Variants in PIWIL1 observed in about 807,000 individuals in gnomAD.
The protein encoded by PIWIL1 is piwi-like protein 1.
In PIWIL1, 73 loss-of-function variants were observed where a neutral mutation model predicts 114.4. That is an observed-to-expected ratio of 0.64 (90% CI 0.53 to 0.78). The LOEUF (loss-of-function observed/expected upper bound fraction) is 0.78. PIWIL1 is among the 30% of genes least tolerant of loss of function. The pLI, the probability that PIWIL1 is intolerant of heterozygous loss-of-function variation, is 0.00. For missense variants in PIWIL1, 723 were observed against 1,063.1 expected (o/e 0.68, Z 4.45); for synonymous variants, 375 against 369.0 (o/e 1.02, Z -0.19).
the PIWIL1 span, among the ~76,000 whole-genome samples, chr12:130,384,671 T>C: frequency 8.6e-4 from 131 of 152,308 alleles, no homozygotes; most frequent in African/African-American, 3.1e-3. Context: ...TTATACAAGC[T>C]TGGCCATGAA....
chr12:130,382,195 G>T, the PIWIL1 span, among the ~76,000 whole-genome samples: 1 of 152,326 alleles, frequency 6.6e-6, no homozygotes, highest in Non-Finnish European at 1.5e-5. Flanking sequence ...ATTAAAATTT[G>T]TTAGCAGGGG....
chr12:130,411,483 C>T, the PIWIL1 span, among the ~76,000 whole-genome samples: 1,774 of 152,246 alleles, frequency 0.012, 23 homozygotes, highest in Non-Finnish European at 0.016. Flanking sequence ...TAGTTTCTGG[C>T]AATGCGGCAG....
chr12:130,342,200 G>GTGTCT, intron 1 of PIWIL1: 2 of 221,886 alleles, frequency 9.0e-6, no homozygotes, highest in Non-Finnish European at 9.1e-6. Flanking sequence ...GTCTGTGTAT[G>GTGTCT]GGAGTATGTG....
chr12:130,421,970 G>A, the PIWIL1 span, among the ~76,000 whole-genome samples: 1 of 152,184 alleles, frequency 6.6e-6, no homozygotes, highest in Non-Finnish European at 1.5e-5. Context: ...GATGGATGTG[G>A]GGAGCACACA....
At chr12:130,348,540 G>T (rs1233479360) in intron 7 of PIWIL1, among the ~76,000 whole-genome samples, 1 of 152,140 alleles carries the variant, frequency 6.6e-6, no homozygotes, top group Admixed American at 6.5e-5. Context: ...TCATCCCCCA[G>T]ACCTCAGCAT....
chr12:130,405,998 G>T, the PIWIL1 span, among the ~76,000 whole-genome samples: 2 of 152,298 alleles, frequency 1.3e-5, no homozygotes, highest in African/African-American at 4.8e-5. Flanking sequence ...CAACTTTCTA[G>T]ATTATCTATA....
intron 1 of PIWIL1, 127 bp downstream of exon 1, chr12:130,338,273 C>A: frequency 3.7e-6 from 1 of 267,058 alleles, no homozygotes; most frequent in Non-Finnish European, 7.0e-6. Context: ...GTCCCAGGTG[C>A]GGGGGATGCA....
chr12:130,376,507 G>A (rs1414757498), downstream of PIWIL1, among the ~76,000 whole-genome samples: 1 of 152,132 alleles, frequency 6.6e-6, no homozygotes, highest in Non-Finnish European at 1.5e-5. Context: ...ACAACCTCTG[G>A]TTGAACTGGT....
At chr12:130,414,311 G>A in the PIWIL1 span, 84 of 1,573,900 alleles carry the variant, frequency 5.3e-5, no homozygotes, top group Admixed American at 8.9e-5. Flanking sequence ...AATCGTCTGC[G>A]AGCAAGTGGG....
At chr12:130,363,640 T>C (rs960477649) in intron 18 of PIWIL1, among the ~76,000 whole-genome samples, 1 of 101,462 alleles carries the variant, frequency 9.9e-6, no homozygotes, top group African/African-American at 4.0e-5. Flanking sequence ...TTTTTTGAGA[T>C]GGAGTCTCGC....
At position 130,368,684 on chromosome 12, in the gene PIWIL1, C is replaced by A. The variant is rs533253611; in HGVS notation, c.2321+1426C>A. 1.1e-4 allele frequency among the ~76,000 whole-genome samples: 17 copies of A among 152,262 alleles called. No homozygotes were observed. The South Asian group carries it at 3.5e-3, about 32-fold the overall frequency. On this transcript the variant is annotated intron_variant, in intron 19 of 20. Transcript: ENST00000245255. ...TTCTCTTTCACCGTATTCAAAACGA[C>A]CCCCGATGCTTTCCAACATTGCTAC...
chr12:130,401,959 G>A, the PIWIL1 span, among the ~76,000 whole-genome samples: 2 of 152,176 alleles, frequency 1.3e-5, no homozygotes, highest in Admixed American at 1.3e-4. Flanking sequence ...AGCCTGCAGA[G>A]GCTCCTGTAG....
At chr12:130,419,081 A>T in the PIWIL1 span, among the ~76,000 whole-genome samples, 1 of 152,186 alleles carries the variant, frequency 6.6e-6, no homozygotes, top group South Asian at 2.1e-4. This position sits in a 1 kb window ranked among gnomAD's most constrained non-coding sequence, Gnocchi z 4.3. Context: ...GATGCACTGG[A>T]TGTGTTATGA....
At chr12:130,409,862 A>C in the PIWIL1 span, among the ~76,000 whole-genome samples, 1 of 152,204 alleles carries the variant, frequency 6.6e-6, no homozygotes, top group Non-Finnish European at 1.5e-5. Flanking sequence ...ATTCATGTAC[A>C]GTTTTTTTGT....
intron 9 of PIWIL1, 32 bp from the exon 10 acceptor site, chr12:130,354,505 C>T (rs371846241): frequency 1.4e-4 from 230 of 1,613,462 alleles, no homozygotes; most frequent in East Asian, 3.3e-4. Flanking sequence ...AGGCATTTGC[C>T]GTGAACAGCG....
the PIWIL1 span, among the ~76,000 whole-genome samples, chr12:130,421,691 A>ATGTGTGTG: frequency 0.03 from 4,353 of 147,234 alleles, 197 homozygotes; most frequent in African/African-American, 0.095. Flanking sequence ...CTGCATTTAT[A>ATGTGTGTG]TGTGTGTGTG....
chr12:130,394,937 G>A, the PIWIL1 span, among the ~76,000 whole-genome samples: 1 of 152,286 alleles, frequency 6.6e-6, no homozygotes, highest in South Asian at 2.1e-4. Flanking sequence ...GTTGTTCAAT[G>A]AAAATTGTGC....
At chr12:130,355,451 G>A in intron 11 of PIWIL1, 102 bp from the exon 12 acceptor site, 2 of 875,046 alleles carry the variant, frequency 2.3e-6, no homozygotes, top group Admixed American at 1.8e-5. Flanking sequence ...CACCCTGACG[G>A]CGACATTGGA....
intron 13 of PIWIL1, among the ~76,000 whole-genome samples, 158 bp from the exon 14 acceptor site, chr12:130,357,323 G>A (rs1027550789): frequency 5.9e-5 from 9 of 151,912 alleles, no homozygotes; most frequent in East Asian, 3.9e-4. Flanking sequence ...AATATTGCTC[G>A]TTTGTATTAG....
Sources: gnomAD v4.1 joint callset for allele counts (sites outside exome capture counted in the v4.1 genomes callset) on GRCh38, gnomAD v4.1.1 for gene constraint, Gnocchi (gnomAD v3.1) non-coding constraint, MANE v1.5 for transcripts, NCBI Gene and HGNC (gene_info 2026-07-23, HGNC 2026-07-21) for gene names.